The following TOMM70 variants were observed in gnomAD, a reference collection of about 807,000 sequenced individuals.
The protein encoded by TOMM70 is mitochondrial import receptor subunit TOM70.
A neutral mutation model predicts 73.6 loss-of-function variants in TOMM70; 13 were observed. The ratio of observed to expected loss-of-function variants is 0.18; its 90% CI spans 0.11 to 0.28. The LOEUF (loss-of-function observed/expected upper bound fraction) is 0.28, where lower values mean the gene tolerates loss of function less well. TOMM70 is among the 10% of genes least tolerant of loss of function. The pLI, the probability that TOMM70 is intolerant of heterozygous loss-of-function variation, is 1.00. For synonymous variants in TOMM70, 257 were observed against 271.2 expected, an observed-to-expected ratio of 0.95 and a Z score of 0.51; for missense variants, 609 against 747.5, an observed-to-expected ratio of 0.81 and a Z score of 2.16.
chr3:100,395,322 T>C (rs1377364776), intron 1 of TOMM70, among the ~76,000 whole-genome samples: 4 of 151,982 alleles, frequency 2.6e-5, no homozygotes, highest in Admixed American at 1.3e-4. Context: ...TAAGCCGAGA[T>C]TGCGCCACTA....
chr3:100,366,384 TA>T (rs1329370457), intron 11 of TOMM70, among the ~76,000 whole-genome samples: 1 of 152,206 alleles, frequency 6.6e-6, no homozygotes, highest in East Asian at 1.9e-4. Flanking sequence ...TATGCAATCC[TA>T]CAAAGAATAT....
At chr3:100,379,058 G>A (rs564466205) in intron 5 of TOMM70, among the ~76,000 whole-genome samples, 7 of 151,870 alleles carry the variant, frequency 4.6e-5, no homozygotes, top group Non-Finnish European at 7.4e-5. Context: ...TACTAAAGAA[G>A]CAAATTTAAA....
chr3:100,400,999 C>T lies in TOMM70; in HGVS notation c.-50G>A, dbSNP rs1706896062. On this transcript the variant is annotated 5_prime_UTR_variant, in exon 1 of 12. Transcript: ENST00000284320. The stretch of plus-strand genomic sequence containing the variant: ...CCCTGTCTGTCGCGAGCGCCACAAT[C>T]ACCAAACAGCGTGCGAAGGAAGACC... 1 of 1,505,642 alleles carries T rather than the reference C, an allele frequency of 6.6e-7. No individual in the cohort carries two copies. The highest frequency in any genetic ancestry group is 1.4e-5 in the African/African-American group (1 of 70,938). 93.3% of individuals were successfully genotyped at this position (1,505,642 alleles called of 1,614,324 possible).
In TOMM70 at chr3:100,372,455, C is replaced by G. The variant is rs142729393; in HGVS notation, c.1452+151G>C. 432 of 582,870 alleles carry G rather than the reference C, an allele frequency of 7.4e-4. 1 individual carries two copies. The highest frequency in any genetic ancestry group is 7.2e-3 in the African/African-American group (382 of 53,350). The allele number at this position is 582,870 out of a possible 1,614,324, so 36.1% of individuals were successfully genotyped here. On this transcript the variant is annotated intron_variant, in intron 9 of 11. Coordinates refer to ENST00000284320, the MANE Select transcript of TOMM70 (RefSeq NM_014820.5). ...CAAAGGAGCCTCTTCTGAGGTGATT[C>G]GGGACCAACCAGGGGCCATGAGAAT...
At position 100,400,636 on chromosome 3, in the gene TOMM70, T is replaced by G. The variant is rs1706885960; in HGVS notation, c.314A>C (p.His105Pro). The change falls in exon 1 of 12, where the codon CAC (histidine) becomes CCC (proline). Residue 105 changes from histidine (H) to proline (P), a missense_variant. Physicochemically the swap from His to Pro is moderately conservative, Grantham distance 77. Coordinates refer to ENST00000284320, the MANE Select transcript of TOMM70 (RefSeq NM_014820.5). ...GSGHPEGPGA[H>P]LDMNSLDRAQ... ...GGGGCTGCTTCTCACCATGTCCAAGTGAGCACCGGGACCTTCAGGGTGTCC... is the reference window on the plus strand; with the variant it reads ...GGGGCTGCTTCTCACCATGTCCAAGGGAGCACCGGGACCTTCAGGGTGTCC... 6.2e-7 allele frequency: 1 copy of G among 1,612,030 alleles called. No homozygotes were observed. Among genetic ancestry groups the G allele is most frequent in the East Asian group, 2.2e-5 (1 of 44,818 alleles).
intron 1 of TOMM70, among the ~76,000 whole-genome samples, chr3:100,390,746 G>A (rs531118020): frequency 1.3e-5 from 2 of 151,916 alleles, no homozygotes; most frequent in Admixed American, 6.6e-5. Flanking sequence ...GGAGAATCAC[G>A]CGAACCTGGG....
intron 5 of TOMM70, 34 bp from the exon 6 acceptor site, chr3:100,377,946 C>T (rs966055435): frequency 1.1e-5 from 18 of 1,583,240 alleles, no homozygotes; most frequent in Non-Finnish European, 1.4e-5. Context: ...AAATTATTTA[C>T]TAAGAAAAAA....
chr3:100,380,258 T>C (rs1449872472), intron 5 of TOMM70, among the ~76,000 whole-genome samples: 3 of 151,964 alleles, frequency 2.0e-5, no homozygotes, highest in South Asian at 2.1e-4. Flanking sequence ...GGTGGGAGAA[T>C]TGCTTGATCC....
intron 11 of TOMM70, 128 bp from the exon 12 acceptor site, chr3:100,365,845 T>C: frequency 9.7e-7 from 1 of 1,031,510 alleles, no homozygotes; most frequent in Non-Finnish European, 1.4e-6. Flanking sequence ...AGGTTGTAAG[T>C]GATGCTACAT....
chr3:100,387,500 C>T (rs1706705019), intron 1 of TOMM70, among the ~76,000 whole-genome samples: 1 of 151,780 alleles, frequency 6.6e-6, no homozygotes, highest in East Asian at 1.9e-4. Flanking sequence ...GCCCAGGCTA[C>T]TCTCAAGCTC....
intron 1 of TOMM70, among the ~76,000 whole-genome samples, chr3:100,397,675 G>A (rs1706840145): frequency 6.6e-6 from 1 of 152,194 alleles, no homozygotes; most frequent in African/African-American, 2.4e-5. Flanking sequence ...TGAATCACGA[G>A]GTCAGGAGTT....
chr3:100,368,417 C>G (rs1706470757), intron 10 of TOMM70, among the ~76,000 whole-genome samples: 1 of 152,084 alleles, frequency 6.6e-6, no homozygotes, highest in South Asian at 2.1e-4. Flanking sequence ...TTATTTTTCA[C>G]TTTATATAAA....
At chr3:100,379,521 A>G (rs1175709687) in intron 5 of TOMM70, among the ~76,000 whole-genome samples, 1 of 152,178 alleles carries the variant, frequency 6.6e-6, no homozygotes, top group African/African-American at 2.4e-5. Context: ...CCAGCTACGC[A>G]AGACATTGAG....
intron 4 of TOMM70, among the ~76,000 whole-genome samples, chr3:100,382,614 T>C (rs1205963017): frequency 2.6e-5 from 4 of 152,180 alleles, no homozygotes; most frequent in African/African-American, 4.8e-5. Flanking sequence ...AAATACATAG[T>C]GGCAATCATT....
At chr3:100,395,152 G>A (rs1032814877) in intron 1 of TOMM70, among the ~76,000 whole-genome samples, 2 of 152,118 alleles carry the variant, frequency 1.3e-5, no homozygotes, top group Admixed American at 1.3e-4. Context: ...GGCAGAGCAT[G>A]AGGTCAGGAG....
At chr3:100,374,796 G>A (rs1396467236) in intron 7 of TOMM70, among the ~76,000 whole-genome samples, 1 of 152,160 alleles carries the variant, frequency 6.6e-6, no homozygotes, top group East Asian at 1.9e-4. Flanking sequence ...AACAGTTTTT[G>A]CCTTCCTTTA....
intron 1 of TOMM70, among the ~76,000 whole-genome samples, chr3:100,391,140 CA>C (rs372038170): frequency 4.6e-4 from 67 of 144,502 alleles, no homozygotes; most frequent in African/African-American, 7.9e-4. Context: ...GACTCCGTCT[CA>C]AAAAAAAAAG....
rs756063544 is a variant in TOMM70, at chr3:100,365,620, C to T, written c.1771G>A (p.Ala591Thr). 18 of 1,614,060 alleles carry T rather than the reference C, an allele frequency of 1.1e-5. No individual in the cohort carries two copies. The highest frequency in any genetic ancestry group is 5.0e-5 in the Admixed American group (3 of 60,000). Residue 591 changes from alanine to threonine, a missense_variant, in exon 12 of 12, where the codon GCC becomes ACC. Ala to Thr is a moderately conservative substitution (Grantham distance 58). Coordinates refer to ENST00000284320, the MANE Select transcript of TOMM70 (RefSeq NM_014820.5). Reference sequence around the variant, plus strand: ...TTTGCAACTTCTGTCTGGGCATGGGCGGCATCGCAAAGTGAATACAGATGG... The same window carrying T: ...TTTGCAACTTCTGTCTGGGCATGGGTGGCATCGCAAAGTGAATACAGATGG... ...MAHLYSLCDA[A>T]HAQTEVAKKY...
At chr3:100,385,177 T>G (rs934170385) in intron 3 of TOMM70, among the ~76,000 whole-genome samples, 13 of 152,240 alleles carry the variant, frequency 8.5e-5, no homozygotes, top group Non-Finnish European at 1.3e-4. Flanking sequence ...GCTCCACCAA[T>G]CAAGTCAATC....
Sources: gnomAD v4.1 joint callset for allele counts (sites outside exome capture counted in the v4.1 genomes callset) on GRCh38, gnomAD v4.1.1 for gene constraint, MANE v1.5 for transcripts, NCBI Gene and HGNC (gene_info 2026-07-23, HGNC 2026-07-21) for gene names.